The following GCN1 variants were observed in gnomAD, a reference collection of about 807,000 sequenced individuals.
GCN1 encodes GCN1 activator of EIF2AK4, also known as stalled ribosome sensor GCN1.
Under a neutral mutation model 288.4 loss-of-function variants are expected in GCN1, and 90 were observed. The observed-to-expected ratio is 0.31, with a 90% confidence interval of 0.26 to 0.37. GCN1 has a LOEUF of 0.37. Among genes scored for constraint, GCN1 ranks in the 10% least tolerant of loss-of-function variants. GCN1 has a pLI of 1.00. For synonymous variants in GCN1, 1,386 were observed against 1,420.2 expected, an observed-to-expected ratio of 0.98 and a Z score of 0.54; for missense variants, 2,586 against 3,419.9, an observed-to-expected ratio of 0.76 and a Z score of 6.08.
At position 120,160,082 on chromosome 12, in the gene GCN1, G is replaced by A. The variant is rs560070613; in HGVS notation, c.2551-59C>T. ...AGGGCCCTGCTTGTGACAGCAAGCA[G>A]CAGGACCAAGCTGCCCAGCACTCTT... is the stretch of plus-strand genomic sequence containing the variant. On this transcript the variant is annotated intron_variant, in intron 23 of 57. Coordinates refer to ENST00000300648, the MANE Select transcript of GCN1 (RefSeq NM_006836.2). The A allele has an allele frequency of 2.6e-5, 42 of 1,588,108 alleles. No homozygotes were observed. The East Asian group carries it at 9.2e-4, about 35-fold the overall frequency.
At chr12:120,186,573 C>G (rs950192175) in intron 2 of GCN1, among the ~76,000 whole-genome samples, 1 of 152,126 alleles carries the variant, frequency 6.6e-6, no homozygotes, top group Non-Finnish European at 1.5e-5. Flanking sequence ...CTTCAGGCAC[C>G]TGAATGATGG....
chr12:120,171,334 G>A lies in GCN1; in HGVS notation c.1367-1013C>T, dbSNP rs184706437. On this transcript the variant is annotated intron_variant, in intron 14 of 57. Transcript: ENST00000300648. ...ATACAAAAATTAGCCAGGCATGGTG[G>A]TGGGCATCTGTAATCCCAGCTACTC... Among the ~76,000 whole-genome samples the A allele has an allele frequency of 7.3e-5, 11 of 151,714 alleles. No individual in the cohort carries two copies. In the East Asian group the frequency reaches 1.9e-3, roughly 27 times the overall value.
At chr12:120,132,425 GC>G (rs1039214011) in intron 53 of GCN1, among the ~76,000 whole-genome samples, 1 of 152,112 alleles carries the variant, frequency 6.6e-6, no homozygotes, top group African/African-American at 2.4e-5. Context: ...GGAGGCACCT[GC>G]CCCCAGCCAC....
In GCN1 at chr12:120,134,424, G is replaced by A. The variant is rs554618217; in HGVS notation, c.7203-19C>T. 3.9e-5 allele frequency: 62 copies of A among 1,597,996 alleles called. No homozygotes were observed. In the South Asian group the frequency reaches 5.8e-4, roughly 15 times the overall value. On this transcript the variant is annotated intron_variant, in intron 52 of 57. Transcript: ENST00000300648. The surrounding 1 kb of genome is among the most constrained non-coding windows in gnomAD (Gnocchi z 5.0). ...GGTGTCCCTGCAGAAGCAATGCACCGCCTTAAGCCCTGGGTGCCTCCACCA... is the reference window on the plus strand; with the variant it reads ...GGTGTCCCTGCAGAAGCAATGCACCACCTTAAGCCCTGGGTGCCTCCACCA...
In GCN1 at chr12:120,137,238, C is replaced by T. The variant is rs967830648; in HGVS notation, c.6745G>A (p.Glu2249Lys). Residue 2249 changes from glutamate (E) to lysine (K), a missense_variant, in exon 50 of 58, where the codon GAG becomes AAG. By Grantham distance (56) the Glu-to-Lys change is moderately conservative (BLOSUM62 1). Coordinates refer to ENST00000300648, the MANE Select transcript of GCN1 (RefSeq NM_006836.2). The surrounding 1 kb of genome is among the most constrained non-coding windows in gnomAD (Gnocchi z 5.2). ...IRLIGNESKG[E>K]HVPGFCLPKK... ...GGGAGGCAGAATCCTGGCACATGCT[C>T]GCCTTTGCTCTCGTTCCCTATGAGC... The T allele has an allele frequency of 4.3e-6, 7 of 1,614,012 alleles. No individual in the cohort carries two copies. Among genetic ancestry groups the T allele is most frequent in the Admixed American group, 3.3e-5 (2 of 60,004 alleles).
chr12:120,173,983 G>A, intron 13 of GCN1, 88 bp downstream of exon 13: 1 of 1,020,456 alleles, frequency 9.8e-7, no homozygotes, highest in Non-Finnish European at 1.5e-6. Flanking sequence ...GTCTTTAGGA[G>A]AGGTTTATGG....
Position 120,142,101 on chromosome 12 carries a change from C to T in GCN1, c.5829+406G>A, listed in dbSNP as rs1031051351. ...CAGCACTTTGGGAGGCCGAGACGGGCGCATCACGAGGTCAGGAGATCGAGA... is the reference window on the plus strand; with the variant it reads ...CAGCACTTTGGGAGGCCGAGACGGGTGCATCACGAGGTCAGGAGATCGAGA... On this transcript the variant is annotated intron_variant, in intron 44 of 57. Transcript: ENST00000300648. The surrounding 1 kb of genome is among the most constrained non-coding windows in gnomAD (Gnocchi z 4.9). Among the ~76,000 whole-genome samples the T allele has an allele frequency of 2.6e-5, 4 of 151,998 alleles. No individual in the cohort carries two copies. The highest frequency in any genetic ancestry group is 6.3e-3 in the Middle Eastern group (2 of 316).
In GCN1 at chr12:120,155,224, C is replaced by A. The variant is rs771277771; in HGVS notation, c.3630+17G>T. ...CGCACACACCCAGACTGCATCAGGG[C>A]TGCACAGGTCACTCACGTAGAGCTT... On this transcript the variant is annotated intron_variant, in intron 30 of 57. Transcript: ENST00000300648. The surrounding 1 kb of genome is among the most constrained non-coding windows in gnomAD (Gnocchi z 4.9). 2.5e-6 allele frequency: 4 copies of A among 1,612,260 alleles called. No homozygotes were observed. Among genetic ancestry groups the A allele is most frequent in the East Asian group, 2.2e-5 (1 of 44,868 alleles).
Position 120,142,755 on chromosome 12 carries a change from A to T in GCN1, c.5614-33T>A. On this transcript the variant is annotated intron_variant, in intron 43 of 57. Transcript: ENST00000300648. This position sits in a 1 kb window ranked among gnomAD's most constrained non-coding sequence, Gnocchi z 4.9. ...CAGTAGAAGGGGACAGAGAGTAGTG[A>T]AGCCTCTATGGCATGGGCATCAGGG... 6.2e-7 allele frequency: 1 copy of T among 1,608,420 alleles called. No homozygotes were observed. The highest frequency in any genetic ancestry group is 8.5e-7 in the Non-Finnish European group (1 of 1,174,786).
rs752327012 is a variant in GCN1, at chr12:120,137,509, A to C, written c.6663+36T>G. ...CTGTAAATGTCTGGAATTTTCTAAAAGCAAAAGTTGGCTGTGGGGTCAGCA... is the reference window on the plus strand; with the variant it reads ...CTGTAAATGTCTGGAATTTTCTAAACGCAAAAGTTGGCTGTGGGGTCAGCA... On this transcript the variant is annotated intron_variant, in intron 49 of 57. Coordinates refer to ENST00000300648, the MANE Select transcript of GCN1 (RefSeq NM_006836.2). This position sits in a 1 kb window ranked among gnomAD's most constrained non-coding sequence, Gnocchi z 5.2. The C allele has an allele frequency of 4.4e-6, 7 of 1,603,724 alleles. No homozygotes were observed. In the South Asian group the frequency reaches 6.6e-5, roughly 15 times the overall value.
intron 36 of GCN1, among the ~76,000 whole-genome samples, chr12:120,149,099 G>GGC (rs1555300297): frequency 4.0e-5 from 6 of 151,880 alleles, no homozygotes; most frequent in African/African-American, 1.5e-4. Context: ...AGCTTTCCTG[G>GGC]GGGGGGAAAA....
At chr12:120,190,685 T>A (rs959846829) in intron 1 of GCN1, among the ~76,000 whole-genome samples, 1 of 152,156 alleles carries the variant, frequency 6.6e-6, no homozygotes, top group African/African-American at 2.4e-5. Context: ...CCACTTGAGA[T>A]GTACTGCTTT....
chr12:120,175,019 A>G, intron 12 of GCN1, 143 bp downstream of exon 12: 1 of 654,346 alleles, frequency 1.5e-6, no homozygotes, highest in Admixed American at 2.8e-5. Flanking sequence ...CCCAGCTACT[A>G]AGGAGGCTGA....
chr12:120,150,936 CAA>C (rs377588887), intron 34 of GCN1, among the ~76,000 whole-genome samples: 5 of 116,854 alleles, frequency 4.3e-5, no homozygotes, highest in African/African-American at 3.2e-5. Context: ...GACTCCGTCT[CAA>C]AAAAAAAAAA....
intron 16 of GCN1, 29 bp downstream of exon 16, chr12:120,168,179 C>T (rs749925564): frequency 1.0e-5 from 13 of 1,276,862 alleles, no homozygotes; most frequent in South Asian, 2.4e-5. Flanking sequence ...GCCTCAATCC[C>T]GAGTTCAACT....
Position 120,127,672 on chromosome 12 carries a change from G to A in GCN1, c.*177C>T, listed in dbSNP as rs1876660011. ...CCACAGGAAAAGGTGAGAGATGGAGGAGGCAATTTTCAGTTGTGTGTGGGT... is the reference window on the plus strand; with the variant it reads ...CCACAGGAAAAGGTGAGAGATGGAGAAGGCAATTTTCAGTTGTGTGTGGGT... On this transcript the variant is annotated 3_prime_UTR_variant, in exon 58 of 58. Coordinates refer to ENST00000300648, the MANE Select transcript of GCN1 (RefSeq NM_006836.2). 1 of 707,534 alleles carries A rather than the reference G, an allele frequency of 1.4e-6. No homozygotes were observed. 43.8% of individuals were successfully genotyped at this position (707,534 alleles called of 1,614,324 possible). A position where few individuals can be genotyped will look rare whatever the true frequency, so the allele number is the denominator to read the frequency against.
Position 120,168,197 on chromosome 12 carries a change from G to C in GCN1, c.1612+11C>G. The stretch of plus-strand genomic sequence containing the variant: ...TCAATCCCGAGTTCAACTAAGCATG[G>C]AGTAACTTACCATCCTCTGAAGCCA... On this transcript the variant is annotated intron_variant, in intron 16 of 57. Coordinates refer to ENST00000300648, the MANE Select transcript of GCN1 (RefSeq NM_006836.2). 2 of 1,436,780 alleles carry C rather than the reference G, an allele frequency of 1.4e-6. No individual in the cohort carries two copies. Among genetic ancestry groups the C allele is most frequent in the Non-Finnish European group, 2.0e-6 (2 of 1,017,894 alleles). The allele number at this position is 1,436,780 out of a possible 1,614,324, so 89.0% of individuals were successfully genotyped here. A position where few individuals can be genotyped will look rare whatever the true frequency, so the allele number is the denominator to read the frequency against.
chr12:120,156,740 A>C lies in GCN1; in HGVS notation c.3169-136T>G. The C allele has an allele frequency of 1.0e-6, 1 of 980,994 alleles. No individual in the cohort carries two copies. The highest frequency in any genetic ancestry group is 1.5e-5 in the South Asian group (1 of 66,560). The allele number at this position is 980,994 out of a possible 1,614,324, so 60.8% of individuals were successfully genotyped here. A position where few individuals can be genotyped will look rare whatever the true frequency, so the allele number is the denominator to read the frequency against. On this transcript the variant is annotated intron_variant, in intron 27 of 57. Transcript: ENST00000300648. This position sits in a 1 kb window ranked among gnomAD's most constrained non-coding sequence, Gnocchi z 5.8. ...ACCCCAGCTCCAGTGGCAGGACCCA[A>C]GCAAAACCCCTCACTAGCTAACAAC...
chr12:120,130,998 G>A (rs573289817), intron 55 of GCN1, among the ~76,000 whole-genome samples, 187 bp downstream of exon 55: 6 of 152,284 alleles, frequency 3.9e-5, no homozygotes, highest in Admixed American at 2.0e-4. Context: ...CAAATTCCTT[G>A]TTTAGATGAT....
Sources: gnomAD v4.1 joint callset for allele counts (sites outside exome capture counted in the v4.1 genomes callset) on GRCh38, gnomAD v4.1.1 for gene constraint, Gnocchi (gnomAD v3.1) non-coding constraint, MANE v1.5 for transcripts, NCBI Gene and HGNC (gene_info 2026-07-23, HGNC 2026-07-21) for gene names.